The following SMYD3 variants were observed in gnomAD, a reference collection of about 807,000 sequenced individuals.
SMYD3 encodes SET and MYND domain containing 3, also known as histone-lysine N-methyltransferase SMYD3.
In SMYD3, 36 loss-of-function variants were observed where a neutral mutation model predicts 57.7. That is an observed-to-expected ratio of 0.62 (90% confidence interval 0.48 to 0.82). The LOEUF (loss-of-function observed/expected upper bound fraction) is 0.82. Ranked by LOEUF, SMYD3 falls within the 40% of genes least tolerant of loss-of-function variation. SMYD3 has a pLI of 0.00. For synonymous variants in SMYD3, 211 were observed against 195.0 expected, an observed-to-expected ratio of 1.08 and a Z score of -0.68; for missense variants, 515 against 538.8, an observed-to-expected ratio of 0.96 and a Z score of 0.44.
At chr1:245,830,428 G>A (rs1251233387) in intron 10 of SMYD3, among the ~76,000 whole-genome samples, 1 of 152,144 alleles carries the variant, frequency 6.6e-6, no homozygotes, top group African/African-American at 2.4e-5. Flanking sequence ...ACAGTATGGG[G>A]GAAACTGCCT....
intron 7 of SMYD3, among the ~76,000 whole-genome samples, chr1:245,916,718 C>A (rs1483821343): frequency 6.6e-6 from 1 of 152,162 alleles, no homozygotes; most frequent in East Asian, 1.9e-4. Flanking sequence ...AATAGTCTCA[C>A]AACTGGTCTC....
At chr1:245,932,009 G>A (rs2147856253) in intron 5 of SMYD3, among the ~76,000 whole-genome samples, 1 of 152,244 alleles carries the variant, frequency 6.6e-6, no homozygotes, top group East Asian at 1.9e-4. Flanking sequence ...TGTATAAATT[G>A]GATGGTAAAA....
intron 5 of SMYD3, among the ~76,000 whole-genome samples, chr1:246,264,169 C>G (rs2064062877): frequency 6.6e-6 from 1 of 152,074 alleles, no homozygotes; most frequent in South Asian, 2.1e-4. Context: ...TAAGCAGTAA[C>G]TCTTGTTTAT....
At chr1:245,864,824 A>G (rs146047237) in intron 8 of SMYD3, among the ~76,000 whole-genome samples, 3 of 152,356 alleles carry the variant, frequency 2.0e-5, no homozygotes, top group East Asian at 3.9e-4. Context: ...ATAAATAGTT[A>G]TTTGTTAGGA....
intron 1 of SMYD3, among the ~76,000 whole-genome samples, chr1:246,475,678 A>G (rs6682296): frequency 0.053 from 8,117 of 152,036 alleles, 675 homozygotes; most frequent in African/African-American, 0.18. Context: ...CCAGTGGCAC[A>G]ATCTCGGCTC....
At chr1:246,044,824 C>T (rs1027919735) in intron 5 of SMYD3, among the ~76,000 whole-genome samples, 2 of 152,096 alleles carry the variant, frequency 1.3e-5, no homozygotes, top group Admixed American at 6.6e-5. Flanking sequence ...GTGTTAAAGC[C>T]ATTTTTATTA....
intron 1 of SMYD3, among the ~76,000 whole-genome samples, chr1:246,364,611 A>G (rs939120778): frequency 6.6e-6 from 1 of 152,242 alleles, no homozygotes; most frequent in Non-Finnish European, 1.5e-5. Context: ...ATAAAAACGG[A>G]ATCCTATAGA....
intron 5 of SMYD3, among the ~76,000 whole-genome samples, chr1:245,943,749 C>A (rs2057338337): frequency 6.6e-6 from 1 of 152,118 alleles, no homozygotes. Context: ...TACTGGCAAA[C>A]CAAATCCAGC....
intron 5 of SMYD3, among the ~76,000 whole-genome samples, chr1:246,121,039 G>A (rs1350386814): frequency 6.6e-6 from 1 of 152,158 alleles, no homozygotes; most frequent in Non-Finnish European, 1.5e-5. Context: ...CACATTTCTT[G>A]CTTTGAGAAG....
At chr1:245,955,320 C>G (rs895351005) in intron 5 of SMYD3, among the ~76,000 whole-genome samples, 5 of 152,232 alleles carry the variant, frequency 3.3e-5, no homozygotes, top group Non-Finnish European at 4.4e-5. Context: ...TGGTCTCGAT[C>G]TCCTGCCTTG....
intron 10 of SMYD3, among the ~76,000 whole-genome samples, chr1:245,766,305 A>G (rs1037229131): frequency 7.4e-5 from 11 of 149,124 alleles, no homozygotes; most frequent in African/African-American, 2.7e-4. Flanking sequence ...CGGGAGGCTG[A>G]GGCAGAAATG....
intron 5 of SMYD3, among the ~76,000 whole-genome samples, chr1:246,014,062 C>T (rs369157281): frequency 6.6e-5 from 10 of 152,270 alleles, no homozygotes; most frequent in East Asian, 5.8e-4. Flanking sequence ...TGGTGGCTCA[C>T]GCCTGTAATC....
chr1:245,773,144 C>A (rs1409137126), intron 10 of SMYD3, among the ~76,000 whole-genome samples: 4 of 149,724 alleles, frequency 2.7e-5, no homozygotes, highest in Middle Eastern at 3.2e-3. Context: ...TTTTCCACAG[C>A]CAAAAACAAA....
chr1:245,826,612 C>T (rs899029378), intron 10 of SMYD3, among the ~76,000 whole-genome samples: 3 of 152,174 alleles, frequency 2.0e-5, no homozygotes, highest in Non-Finnish European at 4.4e-5. Context: ...CCTTAAAACT[C>T]TCTCCTTATA....
At chr1:246,314,424 G>A (rs926874909) in intron 5 of SMYD3, among the ~76,000 whole-genome samples, 11 of 152,050 alleles carry the variant, frequency 7.2e-5, no homozygotes, top group Non-Finnish European at 1.3e-4. Context: ...GTGACCTTAC[G>A]CACTTTCTCA....
intron 1 of SMYD3, among the ~76,000 whole-genome samples, chr1:246,475,956 A>G (rs2068025494): frequency 6.6e-6 from 1 of 152,196 alleles, no homozygotes; most frequent in African/African-American, 2.4e-5. Context: ...GATTTTATTC[A>G]CACTCAAAGC....
chr1:246,200,664 G>A (rs769747985), intron 5 of SMYD3, among the ~76,000 whole-genome samples: 2 of 116,074 alleles, frequency 1.7e-5, no homozygotes, highest in Middle Eastern at 4.4e-3. Flanking sequence ...GTACACAGAC[G>A]CCCACTGTAA....
At chr1:246,048,791 AG>A (rs2060013062) in intron 5 of SMYD3, among the ~76,000 whole-genome samples, 1 of 152,024 alleles carries the variant, frequency 6.6e-6, no homozygotes, top group Non-Finnish European at 1.5e-5. Flanking sequence ...AAAAAAAAAA[AG>A]TGTTCTTAAA....
intron 5 of SMYD3, among the ~76,000 whole-genome samples, chr1:246,244,282 C>T (rs1254439422): frequency 6.6e-6 from 1 of 151,948 alleles, no homozygotes; most frequent in Non-Finnish European, 1.5e-5. Flanking sequence ...TGAGTGACCC[C>T]ATTTTATAGG....
Sources: allele counts gnomAD v4.1 joint callset (sites outside exome capture counted in the v4.1 genomes callset), GRCh38; gene constraint gnomAD v4.1.1; transcripts MANE v1.5; gene names NCBI Gene and HGNC (gene_info 2026-07-23, HGNC 2026-07-21).